ARID5B: variants seen among roughly 807,000 people sequenced by gnomAD.
The protein encoded by ARID5B is AT-rich interactive domain-containing protein 5B.
In ARID5B, 13 loss-of-function variants were observed where a neutral mutation model predicts 97.2. That is an observed-to-expected ratio of 0.13 (90% confidence interval 0.09 to 0.21). ARID5B has a LOEUF of 0.21. Among genes scored for constraint, ARID5B ranks in the 10% least tolerant of loss-of-function variants. ARID5B has a pLI of 1.00. For synonymous variants in ARID5B, 556 were observed against 570.3 expected (o/e 0.97, Z 0.36); for missense variants, 1,210 against 1,465.3 (o/e 0.83, Z 2.84).
chr10:61,934,608 G>A (rs1368728039), intron 2 of ARID5B, among the ~76,000 whole-genome samples: 1 of 152,136 alleles, frequency 6.6e-6, no homozygotes, highest in Non-Finnish European at 1.5e-5. Flanking sequence ...ATAGACTGGG[G>A]AAAAAGGCAG....
chr10:62,021,801 T>C (rs1280857732), intron 4 of ARID5B, among the ~76,000 whole-genome samples: 2 of 152,230 alleles, frequency 1.3e-5, no homozygotes, highest in Non-Finnish European at 2.9e-5. Context: ...GTGGTGTTAA[T>C]AGCTCCCTGG....
In ARID5B at chr10:62,092,057, C is replaced by G. The variant is rs200382682; in HGVS notation, c.2594C>G (p.Ser865Trp). The change falls in exon 10 of 10, where the codon TCG (serine) becomes TGG (tryptophan). Residue 865 changes from serine (S) to tryptophan (W), a missense_variant. Ser to Trp is a radical substitution (Grantham distance 177). Transcript: ENST00000279873. The part of the protein sequence containing the change: ...KYPSRDMYRE[S>W]ENSSFPSHRH... ...CCTTCCAGGGACATGTACAGGGAAT[C>G]GGAAAACAGTTCTTTTCCTTCCCAC... is the stretch of plus-strand genomic sequence containing the variant. 4.3e-6 allele frequency: 7 copies of G among 1,614,126 alleles called. No individual in the cohort carries two copies. In the African/African-American group the frequency reaches 6.7e-5, roughly 15 times the overall value.
rs751048587 is a variant in ARID5B at position 61,901,737 on chromosome 10, C to A, written c.21+7C>A. On this transcript the variant is annotated splice_region_variant and intron_variant, in intron 1 of 9. Coordinates refer to ENST00000279873, the MANE Select transcript of ARID5B (RefSeq NM_032199.3). ...GGAGCCCAACTCACTCCAGGTATTTCGCTCTCCTCCGCTCCTCCGATCCCG... is the reference window on the plus strand; with the variant it reads ...GGAGCCCAACTCACTCCAGGTATTTAGCTCTCCTCCGCTCCTCCGATCCCG... The A allele has an allele frequency of 6.2e-7, 1 of 1,613,636 alleles. No homozygotes were observed. The highest frequency in any genetic ancestry group is 1.1e-5 in the South Asian group (1 of 91,056).
chr10:62,067,932 C>T (rs1274101785), intron 7 of ARID5B, among the ~76,000 whole-genome samples: 3 of 152,222 alleles, frequency 2.0e-5, no homozygotes, highest in Admixed American at 6.5e-5. Flanking sequence ...TAAGTGATTA[C>T]AGGGCCACAC....
At position 62,092,440 on chromosome 10, in the gene ARID5B, G is replaced by A. The variant is rs1840394536; in HGVS notation, c.2977G>A (p.Val993Ile). The A allele has an allele frequency of 6.2e-7, 1 of 1,614,208 alleles. No homozygotes were observed. ...LENFRKMEGMVHPILHRKMSP... is the reference protein window; with the variant it reads ...LENFRKMEGMIHPILHRKMSP... ...GAATTTCAGGAAGATGGAAGGCATG[G>A]TCCACCCAATCCTGCACCGGAAAAT... is the stretch of plus-strand genomic sequence containing the variant. Residue 993 changes from valine to isoleucine, a missense_variant, in exon 10 of 10, where the codon GTC (valine) becomes ATC (isoleucine). Val to Ile is a conservative substitution (Grantham distance 29). This residue lies in a region of ARID5B where 800 missense variants were observed against 839.1 expected (regional missense o/e 0.95). Coordinates refer to ENST00000279873, the MANE Select transcript of ARID5B (RefSeq NM_032199.3).
intron 4 of ARID5B, among the ~76,000 whole-genome samples, chr10:62,031,210 C>A (rs1156421291): frequency 6.6e-6 from 1 of 152,124 alleles, no homozygotes; most frequent in Non-Finnish European, 1.5e-5. Context: ...CTCCAGCCTG[C>A]ATGACAGAGC....
intron 2 of ARID5B, among the ~76,000 whole-genome samples, chr10:61,917,082 C>T (rs1017679098): frequency 6.6e-6 from 1 of 151,436 alleles, no homozygotes; most frequent in Non-Finnish European, 1.5e-5. Context: ...GGGAGGATCA[C>T]TTGAACCCAG....
chr10:62,091,562 G>A lies in ARID5B; in HGVS notation c.2099G>A (p.Ser700Asn). The part of the protein sequence containing the change: ...LAKKKLLSQV[S>N]GASLSSSYPY... ...AAGAAAAAGCTTTTGTCCCAAGTGAGTGGGGCCAGCCTCTCCAGCAGCTAC... is the reference window on the plus strand; with the variant it reads ...AAGAAAAAGCTTTTGTCCCAAGTGAATGGGGCCAGCCTCTCCAGCAGCTAC... Residue 700 changes from serine (S) to asparagine (N), a missense_variant, in exon 10 of 10, where the codon AGT becomes AAT. Physicochemically the swap from Ser to Asn is conservative, Grantham distance 46. Around this residue, in one of 8 missense-constraint regions of ARID5B, gnomAD observed 800 missense variants for 839.1 expected, o/e 0.95. Coordinates refer to ENST00000279873, the MANE Select transcript of ARID5B (RefSeq NM_032199.3). 1.9e-6 allele frequency: 3 copies of A among 1,613,032 alleles called. No individual in the cohort carries two copies. The highest frequency in any genetic ancestry group is 2.5e-6 in the Non-Finnish European group (3 of 1,179,600).
chr10:62,016,022 G>A (rs7098041), intron 4 of ARID5B, among the ~76,000 whole-genome samples: 26,395 of 152,208 alleles, frequency 0.17, 5,028 homozygotes, highest in African/African-American at 0.47. Context: ...TCAGAGGATG[G>A]TGGAGTTTGT....
chr10:62,029,617 T>A (rs1839468801), intron 4 of ARID5B, among the ~76,000 whole-genome samples: 1 of 152,234 alleles, frequency 6.6e-6, no homozygotes, highest in African/African-American at 2.4e-5. Flanking sequence ...ACTGGTTGTC[T>A]GTAGGAACCA....
chr10:62,093,053 A>G lies in ARID5B; in HGVS notation c.*23A>G. 1 of 1,580,890 alleles carries G rather than the reference A, an allele frequency of 6.3e-7. No individual in the cohort carries two copies. Among genetic ancestry groups the G allele is most frequent in the Non-Finnish European group, 8.6e-7 (1 of 1,168,648 alleles). ...TAGGCTCAGCTCTGCCCAGCAGTCC[A>G]AAGCGGCATGGCCAACAGAGCTTCA... On this transcript the variant is annotated 3_prime_UTR_variant, in exon 10 of 10. Transcript: ENST00000279873.
chr10:62,025,725 T>C (rs117739228), intron 4 of ARID5B, among the ~76,000 whole-genome samples: 3,178 of 150,978 alleles, frequency 0.021, 52 homozygotes, highest in Non-Finnish European at 0.032. Flanking sequence ...GACCATATCA[T>C]AGCTCCTTTA....
chr10:62,016,194 A>T (rs12217912), intron 4 of ARID5B, among the ~76,000 whole-genome samples: 5 of 152,212 alleles, frequency 3.3e-5, no homozygotes, highest in Admixed American at 6.5e-5. Context: ...TTATTGGCAC[A>T]CTGCCACACT....
chr10:62,017,202 C>T (rs1266464642), intron 4 of ARID5B, among the ~76,000 whole-genome samples: 1 of 152,088 alleles, frequency 6.6e-6, no homozygotes, highest in African/African-American at 2.4e-5. Flanking sequence ...AAAAATAAGC[C>T]ATGACTTTGG....
chr10:62,078,358 G>C (rs566734624), intron 8 of ARID5B, among the ~76,000 whole-genome samples: 1 of 152,160 alleles, frequency 6.6e-6, no homozygotes, highest in Non-Finnish European at 1.5e-5. Flanking sequence ...GTGCAGTGAC[G>C]CATACCTGTA....
chr10:61,912,257 T>C (rs955265937), intron 2 of ARID5B, among the ~76,000 whole-genome samples: 1 of 152,198 alleles, frequency 6.6e-6, no homozygotes. Flanking sequence ...GTTTTTAAAA[T>C]GTGTATATAT....
chr10:61,934,081 C>T (rs924196193), intron 2 of ARID5B, among the ~76,000 whole-genome samples: 2 of 152,154 alleles, frequency 1.3e-5, no homozygotes, highest in Admixed American at 6.5e-5. Flanking sequence ...CCTGCTTTAC[C>T]GTGTACTTGA....
intron 3 of ARID5B, among the ~76,000 whole-genome samples, chr10:61,981,461 T>A (rs1838775748): frequency 6.6e-6 from 1 of 152,146 alleles, no homozygotes; most frequent in Non-Finnish European, 1.5e-5. Context: ...TTTATATTTT[T>A]AATAGAGACA....
chr10:61,910,893 C>T (rs558794143), intron 2 of ARID5B, among the ~76,000 whole-genome samples: 2 of 152,288 alleles, frequency 1.3e-5, no homozygotes, highest in South Asian at 2.1e-4. Flanking sequence ...CGCACAGTGG[C>T]GTGTGTCCTT....
Sources: gnomAD v4.1 joint callset for allele counts (sites outside exome capture counted in the v4.1 genomes callset) on GRCh38, gnomAD v4.1.1 for gene constraint, gnomAD v4.1.1 regional missense constraint, MANE v1.5 for transcripts, NCBI Gene and HGNC (gene_info 2026-07-23, HGNC 2026-07-21) for gene names.